Variants in IL22RA2 observed in about 807,000 individuals in gnomAD.
IL22RA2 encodes interleukin 22 receptor subunit alpha 2.
In IL22RA2, 39 loss-of-function variants were observed where a neutral mutation model predicts 30.7. That is an observed-to-expected ratio of 1.27 (90% CI 0.98 to 1.66). The LOEUF (loss-of-function observed/expected upper bound fraction) is 1.66, where lower values mean the gene tolerates loss of function less well. IL22RA2 is among the 40% of genes most tolerant of loss of function. The pLI, the probability that IL22RA2 is intolerant of heterozygous loss-of-function variation, is 0.00. For synonymous variants in IL22RA2, 103 were observed against 105.0 expected, an observed-to-expected ratio of 0.98 and a Z score of 0.11; for missense variants, 315 against 312.7, an observed-to-expected ratio of 1.01 and a Z score of -0.05.
rs1396865661 is a variant in IL22RA2 at position 137,161,812 on chromosome 6, A to G, written c.-63T>C. ...TTTAACCAGCTCAGGACCAAAGAGG[A>G]AACTGTAAAATCCACAAACAGACAA... On this transcript the variant is annotated splice_region_variant and 5_prime_UTR_variant, in exon 2 of 7. Coordinates refer to ENST00000296980, the MANE Select transcript of IL22RA2 (RefSeq NM_052962.3). The G allele has an allele frequency of 7.5e-7, 1 of 1,337,252 alleles. No individual in the cohort carries two copies. Among genetic ancestry groups the G allele is most frequent in the African/African-American group, 1.5e-5 (1 of 68,368 alleles). 82.8% of individuals were successfully genotyped at this position (1,337,252 alleles called of 1,614,324 possible).
intron 3 of IL22RA2, among the ~76,000 whole-genome samples, chr6:137,157,158 G>C (rs1404956913): frequency 6.6e-6 from 1 of 152,130 alleles, no homozygotes; most frequent in South Asian, 2.1e-4. Flanking sequence ...TTTAGGAAAA[G>C]ATTTATAAAT....
Position 137,155,100 on chromosome 6 carries a change from T to A in IL22RA2, c.313A>T (p.Lys105Ter), listed in dbSNP as rs1252696186. The A allele has an allele frequency of 1.3e-6, 2 of 1,592,166 alleles. No homozygotes were observed. Among genetic ancestry groups the A allele is most frequent in the Admixed American group, 3.5e-5 (2 of 56,740 alleles). Residue 105 changes from lysine to a stop codon, truncating the protein, a stop_gained, in exon 5 of 7, where the codon AAA becomes TAA. Transcript: ENST00000296980. LOFTEE classifies it high-confidence loss of function. ...GTACCCCAACAGTCTTCTTTATTTTTCCATTGTCTCTGTCCATATCTGTAG... is the reference window on the plus strand; with the variant it reads ...GTACCCCAACAGTCTTCTTTATTTTACCATTGTCTCTGTCCATATCTGTAG... ...TLAKYGQRQW[K>*]NKEDCWGTQE...
intron 1 of IL22RA2, among the ~76,000 whole-genome samples, chr6:137,167,217 A>G (rs1337181450): frequency 6.6e-6 from 1 of 152,206 alleles, no homozygotes; most frequent in African/African-American, 2.4e-5. Flanking sequence ...TATCACCCAT[A>G]GAGTTCTGGA....
intron 6 of IL22RA2, among the ~76,000 whole-genome samples, chr6:137,146,107 C>G (rs1386211224): frequency 2.0e-5 from 3 of 152,234 alleles, no homozygotes; most frequent in African/African-American, 4.8e-5. Flanking sequence ...TCTCGGCTCA[C>G]TGCAACCTCT....
At chr6:137,157,303 A>G (rs1778425510) in intron 3 of IL22RA2, among the ~76,000 whole-genome samples, 1 of 152,206 alleles carries the variant, frequency 6.6e-6, no homozygotes, top group Non-Finnish European at 1.5e-5. Flanking sequence ...GGGGAAGCAT[A>G]AAAAGAGTAC....
chr6:137,154,496 TC>T (rs1778355906), intron 5 of IL22RA2, among the ~76,000 whole-genome samples: 2 of 152,056 alleles, frequency 1.3e-5, no homozygotes, highest in African/African-American at 4.8e-5. Flanking sequence ...ACACTTGTAA[TC>T]CTAGCTACTC....
intron 4 of IL22RA2, 68 bp downstream of exon 4, chr6:137,156,691 T>G (rs1778413744): frequency 6.3e-7 from 1 of 1,575,408 alleles, no homozygotes; most frequent in Non-Finnish European, 8.7e-7. Flanking sequence ...TTATACAATC[T>G]TGGTCCATTT....
At position 137,154,938 on chromosome 6, in the gene IL22RA2, C is replaced by A; in HGVS notation, c.472+3G>T. On this transcript the variant is annotated splice_donor_region_variant and intron_variant, in intron 5 of 6. Coordinates refer to ENST00000296980, the MANE Select transcript of IL22RA2 (RefSeq NM_052962.3). ...AAGGGCAAAGAAACTCCATGGAACT[C>A]ACTTTCCCACCAGGGAGTGAACCGC... 6.2e-7 allele frequency: 1 copy of A among 1,613,810 alleles called. No homozygotes were observed. Among genetic ancestry groups the A allele is most frequent in the Non-Finnish European group, 8.5e-7 (1 of 1,179,762 alleles).
intron 2 of IL22RA2, among the ~76,000 whole-genome samples, chr6:137,160,124 A>C (rs1014418120): frequency 7.9e-5 from 12 of 152,254 alleles, no homozygotes; most frequent in African/African-American, 2.7e-4. Context: ...TAAACATTCC[A>C]GAAGTTTTCA....
rs773602648 is a variant in IL22RA2, at chr6:137,145,321, A to AGAAT, written c.*299_*302dup. 48 of 218,764 alleles carry AGAAT rather than the reference A, an allele frequency of 2.2e-4. 6 individuals carry two copies. Among genetic ancestry groups the AGAAT allele is most frequent in the Admixed American group, 8.4e-4 (14 of 16,728 alleles). 13.6% of individuals were successfully genotyped at this position (218,764 alleles called of 1,614,324 possible). ...TAAATTTTTATTTTGCTGTATTAGA[A>AGAAT]GAATGAAGGTTGTTATTAGGGATGT... On this transcript the variant is annotated 3_prime_UTR_variant, in exon 7 of 7. Transcript: ENST00000296980.
chr6:137,165,566 A>G (rs1372830872), intron 1 of IL22RA2, among the ~76,000 whole-genome samples: 1 of 152,144 alleles, frequency 6.6e-6, no homozygotes, highest in African/African-American at 2.4e-5. Flanking sequence ...TGCGGTCATG[A>G]TAGAGGACAA....
intron 1 of IL22RA2, among the ~76,000 whole-genome samples, chr6:137,164,521 C>T (rs779674396): frequency 2.0e-5 from 3 of 152,220 alleles, no homozygotes; most frequent in African/African-American, 7.2e-5. Context: ...CTACAGGCCC[C>T]GCCTGAAGAG....
At chr6:137,149,050 G>A (rs537382855) in intron 5 of IL22RA2, among the ~76,000 whole-genome samples, 6 of 152,102 alleles carry the variant, frequency 3.9e-5, no homozygotes, top group East Asian at 1.9e-4. Context: ...TTACCTTCCC[G>A]CACTATTCAT....
At chr6:137,171,667 G>A (rs28362847) in intron 1 of IL22RA2, among the ~76,000 whole-genome samples, 39,076 of 152,072 alleles carry the variant, frequency 0.26, 5,412 homozygotes, top group East Asian at 0.46. Flanking sequence ...CTGGGGCCAC[G>A]CAGGGAAAAC....
chr6:137,146,520 T>C lies in IL22RA2; in HGVS notation c.643-747A>G, dbSNP rs156750. Among the ~76,000 whole-genome samples, 506 of 152,324 alleles carry C rather than the reference T, an allele frequency of 3.3e-3. 4 individuals carry two copies. Among genetic ancestry groups the C allele is most frequent in the Middle Eastern group, 0.017 (5 of 294 alleles). On this transcript the variant is annotated intron_variant, in intron 6 of 6. Transcript: ENST00000296980. ...CTGCCGGCACTCTACGTCCTGCCTC[T>C]GTCCCTGAGATTGCTTGCCTATCTC...
At position 137,145,609 on chromosome 6, in the gene IL22RA2, G is replaced by A. The variant is rs373504697; in HGVS notation, c.*15C>T. On this transcript the variant is annotated 3_prime_UTR_variant, in exon 7 of 7. Transcript: ENST00000296980. ...CTTTAGAATTTCCACATTGCTGAAT[G>A]CCAAATTCCACAAGTCATGGAATTT... The A allele has an allele frequency of 5.0e-6, 8 of 1,593,752 alleles. No individual in the cohort carries two copies. Among genetic ancestry groups the A allele is most frequent in the Admixed American group, 1.7e-5 (1 of 57,526 alleles).
intron 5 of IL22RA2, among the ~76,000 whole-genome samples, chr6:137,149,591 G>A (rs972271269): frequency 1.3e-5 from 2 of 152,014 alleles, no homozygotes; most frequent in African/African-American, 4.8e-5. Flanking sequence ...AGCCAAATTC[G>A]GTCTCCTGTA....
intron 5 of IL22RA2, among the ~76,000 whole-genome samples, chr6:137,148,352 A>G (rs1778221518): frequency 6.6e-6 from 1 of 152,160 alleles, no homozygotes; most frequent in Non-Finnish European, 1.5e-5. Flanking sequence ...CTGAGATTAC[A>G]GGTGCATGCC....
chr6:137,154,620 A>AACACACACACACACACAC (rs10682551), intron 5 of IL22RA2, among the ~76,000 whole-genome samples: 6 of 148,416 alleles, frequency 4.0e-5, no homozygotes, highest in African/African-American at 1.5e-4. Context: ...GTCACACACA[A>AACACACACACACACACAC]ACACACACAC....
Sources: gnomAD v4.1 joint callset for allele counts (sites outside exome capture counted in the v4.1 genomes callset) on GRCh38, gnomAD v4.1.1 for gene constraint, MANE v1.5 for transcripts, NCBI Gene and HGNC (gene_info 2026-07-23, HGNC 2026-07-21) for gene names.